AJAP1: variants seen among roughly 807,000 people sequenced by gnomAD.
AJAP1 encodes adherens junction-associated protein 1.
A neutral mutation model predicts 35.0 loss-of-function variants in AJAP1; 5 were observed. That is an observed-to-expected ratio of 0.14 (90% CI 0.07 to 0.30). AJAP1 has a LOEUF of 0.30. Ranked by LOEUF, AJAP1 falls within the 10% of genes least tolerant of loss-of-function variation. AJAP1 has a pLI of 1.00. For missense variants in AJAP1, 586 were observed against 571.0 expected (o/e 1.03, Z -0.27); for synonymous variants, 284 against 249.3 (o/e 1.14, Z -1.31).
intron 1 of AJAP1, among the ~76,000 whole-genome samples, chr1:4,671,862 TG>T (rs1381792254): frequency 6.6e-6 from 1 of 152,178 alleles, no homozygotes; most frequent in Non-Finnish European, 1.5e-5. Flanking sequence ...CTGCTTTTAT[TG>T]TCGTGGTTTA....
chr1:4,776,575 A>T (rs1332701416), intron 5 of AJAP1, among the ~76,000 whole-genome samples: 2 of 152,188 alleles, frequency 1.3e-5, no homozygotes, highest in African/African-American at 2.4e-5. Context: ...ATAGGGCAAA[A>T]AAAAGTGTTT....
At position 4,774,497 on chromosome 1, in the gene AJAP1, T is replaced by G. The variant is rs759041039; in HGVS notation, c.1234T>G (p.Ter412GlyextTer27). The change falls in exon 5 of 6, where the codon TGA (stop) becomes GGA (glycine). Residue 412 changes from the stop codon to glycine, a stop_lost. Coordinates refer to ENST00000378191, the MANE Select transcript of AJAP1 (RefSeq NM_018836.4). ...TGAGAAATGGTTTGAAATCTCCTGCTGACTGGCCGAAGTCTTTTTTACCTC... is the reference window on the plus strand; with the variant it reads ...TGAGAAATGGTTTGAAATCTCCTGCGGACTGGCCGAAGTCTTTTTTACCTC... ...VSEKWFEISC[*>G] The G allele has an allele frequency of 6.2e-7, 1 of 1,614,124 alleles. No individual in the cohort carries two copies.
At chr1:4,755,904 AG>A (rs1471020302) in intron 2 of AJAP1, among the ~76,000 whole-genome samples, 1 of 152,120 alleles carries the variant, frequency 6.6e-6, no homozygotes, top group Non-Finnish European at 1.5e-5. Flanking sequence ...TTCTTGCTGA[AG>A]GCAGGCCAGG....
At chr1:4,747,900 G>A (rs1455532522) in intron 2 of AJAP1, among the ~76,000 whole-genome samples, 2 of 151,164 alleles carry the variant, frequency 1.3e-5, no homozygotes, top group Non-Finnish European at 2.9e-5. Flanking sequence ...GCTGAGGCAC[G>A]AGAATCACTT....
rs1386359341 is a variant in AJAP1, at chr1:4,734,033, T to C, written c.829+21334T>C. Reference sequence around the variant, plus strand: ...TTGCCGGAGCTCCAATTAGCGGCTTTTGTAAGCGATCACGTACCGAGTATT... The same window carrying C: ...TTGCCGGAGCTCCAATTAGCGGCTTCTGTAAGCGATCACGTACCGAGTATT... On this transcript the variant is annotated intron_variant, in intron 2 of 5. Coordinates refer to ENST00000378191, the MANE Select transcript of AJAP1 (RefSeq NM_018836.4). The surrounding 1 kb of genome is among the most constrained non-coding windows in gnomAD (Gnocchi z 4.3). Among the ~76,000 whole-genome samples, 1 of 152,212 alleles carries C rather than the reference T, an allele frequency of 6.6e-6. No individual in the cohort carries two copies. Among genetic ancestry groups the C allele is most frequent in the Non-Finnish European group, 1.5e-5 (1 of 68,038 alleles).
chr1:4,662,310 C>G (rs1221263160), intron 1 of AJAP1, among the ~76,000 whole-genome samples: 1 of 152,164 alleles, frequency 6.6e-6, no homozygotes, highest in Non-Finnish European at 1.5e-5. Flanking sequence ...TTTGCCCATC[C>G]TCACTATTCC....
At chr1:4,700,628 T>C (rs1304483752) in intron 1 of AJAP1, among the ~76,000 whole-genome samples, 2 of 152,022 alleles carry the variant, frequency 1.3e-5, no homozygotes, top group Non-Finnish European at 2.9e-5. Flanking sequence ...CAGGGGGAGA[T>C]GGAGAGGAGC....
intron 1 of AJAP1, 135 bp from the exon 2 acceptor site, chr1:4,711,765 T>G (rs1290687507): frequency 1.5e-6 from 1 of 656,820 alleles, no homozygotes; most frequent in African/African-American, 1.9e-5. Flanking sequence ...GATTCCCTTT[T>G]GAAGTTAGGA....
chr1:4,710,409 ACACT>A (rs1429961665), intron 1 of AJAP1, among the ~76,000 whole-genome samples: 3 of 152,126 alleles, frequency 2.0e-5, no homozygotes, highest in Non-Finnish European at 4.4e-5. Context: ...TCACACTGGC[ACACT>A]CACACAGCTT....
chr1:4,668,343 C>CGCGT, intron 1 of AJAP1, among the ~76,000 whole-genome samples: 1 of 149,654 alleles, frequency 6.7e-6, no homozygotes, highest in Admixed American at 6.7e-5. Context: ...TGTGCGTGTG[C>CGCGT]GTGTGTGTGT....
chr1:4,661,552 C>A (rs548841831), intron 1 of AJAP1, among the ~76,000 whole-genome samples: 2 of 152,338 alleles, frequency 1.3e-5, no homozygotes, highest in Admixed American at 1.3e-4. Flanking sequence ...CATTCGTGCT[C>A]CTTATGCTGA....
Position 4,782,120 on chromosome 1 carries a change from C to T in AJAP1, c.*60-425C>T, listed in dbSNP as rs572414257. Among the ~76,000 whole-genome samples, 6 of 152,298 alleles carry T rather than the reference C, an allele frequency of 3.9e-5. No individual in the cohort carries two copies. The highest frequency in any genetic ancestry group is 1.9e-4 in the East Asian group (1 of 5,174). On this transcript the variant is annotated intron_variant, in intron 5 of 5. Coordinates refer to ENST00000378191, the MANE Select transcript of AJAP1 (RefSeq NM_018836.4). The surrounding 1 kb of genome is among the most constrained non-coding windows in gnomAD (Gnocchi z 5.3). ...CAGCACAGGAGTGGAGCAGGCCCCA[C>T]GCCACCCTCCATGGGAGGAAACTGG...
rs1421156955 is a variant in AJAP1 at position 4,782,426 on chromosome 1, A to AC, written c.*60-119_*60-118insC. The AC allele has an allele frequency of 3.8e-5, 9 of 239,176 alleles. No homozygotes were observed. Among genetic ancestry groups the AC allele is most frequent in the Non-Finnish European group, 6.4e-5 (8 of 124,928 alleles). 14.8% of individuals were successfully genotyped at this position (239,176 alleles called of 1,614,324 possible). On this transcript the variant is annotated intron_variant, in intron 5 of 5. Coordinates refer to ENST00000378191, the MANE Select transcript of AJAP1 (RefSeq NM_018836.4). This position sits in a 1 kb window ranked among gnomAD's most constrained non-coding sequence, Gnocchi z 5.3. ...TGTCAGTGAACCGATAAAGGGAGTG[A>AC]TCGGGCTCTGCATGCGGGGGTGCTG...
chr1:4,740,306 G>C (rs1641025983), intron 2 of AJAP1, among the ~76,000 whole-genome samples: 1 of 147,666 alleles, frequency 6.8e-6, no homozygotes, highest in South Asian at 2.3e-4. Context: ...GAGGTCCCTG[G>C]AGTCACCAAA....
chr1:4,740,401 A>C (rs1297511494), intron 2 of AJAP1, among the ~76,000 whole-genome samples: 1 of 2,426 alleles, frequency 4.1e-4, no homozygotes, highest in African/African-American at 1.5e-3. Flanking sequence ...ACAGAGTTTC[A>C]GTTTTGGGAA....
chr1:4,664,128 A>C (rs931413988), intron 1 of AJAP1, among the ~76,000 whole-genome samples: 1 of 152,172 alleles, frequency 6.6e-6, no homozygotes, highest in African/African-American at 2.4e-5. Flanking sequence ...AGAGAACCTG[A>C]ATGAATTTCC....
intron 2 of AJAP1, among the ~76,000 whole-genome samples, chr1:4,728,210 G>A (rs1380209148): frequency 6.6e-6 from 1 of 152,218 alleles, no homozygotes; most frequent in Non-Finnish European, 1.5e-5. Flanking sequence ...GGGAAATGAG[G>A]GTCGTGGGCA....
intron 2 of AJAP1, among the ~76,000 whole-genome samples, chr1:4,760,175 GTC>G (rs1169193413): frequency 2.6e-5 from 4 of 152,152 alleles, no homozygotes; most frequent in African/African-American, 9.7e-5. Context: ...CCGTGTGTGA[GTC>G]TCTGTGAGTG....
intron 1 of AJAP1, among the ~76,000 whole-genome samples, chr1:4,705,395 C>CTT (rs58022692): frequency 0.054 from 1,278 of 23,796 alleles, 369 homozygotes; most frequent in Middle Eastern, 0.077. Context: ...TTTTGAAGAG[C>CTT]TTTTTTTTTT....
Sources: allele counts gnomAD v4.1 joint callset (sites outside exome capture counted in the v4.1 genomes callset), GRCh38; gene constraint gnomAD v4.1.1; non-coding constraint Gnocchi (gnomAD v3.1); transcripts MANE v1.5; gene names NCBI Gene and HGNC (gene_info 2026-07-23, HGNC 2026-07-21).